CHRM5: variants seen among roughly 807,000 people sequenced by gnomAD.
The protein encoded by CHRM5 is cholinergic receptor muscarinic 5.
CHRM5 carries 18 observed loss-of-function variants against 39.0 expected under a neutral mutation model. That is an observed-to-expected ratio of 0.46 (90% confidence interval 0.32 to 0.68). The LOEUF (loss-of-function observed/expected upper bound fraction) is 0.68. CHRM5 is among the 30% of genes least tolerant of loss of function. The pLI, the probability that CHRM5 is intolerant of heterozygous loss-of-function variation, is 0.04. For synonymous variants in CHRM5, 241 were observed against 246.3 expected (o/e 0.98, Z 0.20); for missense variants, 515 against 651.1 (o/e 0.79, Z 2.28).
chr15:34,012,115 C>A (rs555828015), intron 1 of CHRM5, among the ~76,000 whole-genome samples: 1 of 152,202 alleles, frequency 6.6e-6, no homozygotes, highest in African/African-American at 2.4e-5. Flanking sequence ...AGCCATTTTG[C>A]AAGTCCCAAC....
intron 2 of CHRM5, among the ~76,000 whole-genome samples, chr15:34,058,297 A>G (rs1047425988): frequency 6.6e-6 from 1 of 152,186 alleles, no homozygotes; most frequent in African/African-American, 2.4e-5. Context: ...AAGTGGACAC[A>G]TAAAATTAAC....
intron 1 of CHRM5, among the ~76,000 whole-genome samples, chr15:34,019,762 G>A (rs561287452): frequency 5.1e-4 from 78 of 152,226 alleles, no homozygotes; most frequent in South Asian, 4.1e-3. Context: ...ATACCATACC[G>A]CCTGGGTGTA....
In CHRM5 at chr15:34,063,383, G is replaced by T. The variant is rs150785744; in HGVS notation, c.666G>T (p.Lys222Asn). The T allele has an allele frequency of 6.2e-6, 10 of 1,614,084 alleles. No individual in the cohort carries two copies. In the East Asian group the frequency reaches 2.2e-4, roughly 36 times the overall value. The change falls in exon 3 of 3, where the codon AAG (lysine) becomes AAT (asparagine). Residue 222 changes from lysine (K) to asparagine (N), a missense_variant. Physicochemically the swap from Lys to Asn is moderately conservative, Grantham distance 94 (BLOSUM62 0). Transcript: ENST00000383263. This position sits in a 1 kb window ranked among gnomAD's most constrained non-coding sequence, Gnocchi z 4.1. ...LYCRIYRETE[K>N]RTKDLADLQG... ...GTCGAATCTACCGGGAAACAGAGAA[G>T]CGAACCAAGGACCTGGCTGACCTCC...
At chr15:34,005,096 C>T (rs1025052272) in intron 1 of CHRM5, among the ~76,000 whole-genome samples, 1 of 152,296 alleles carries the variant, frequency 6.6e-6, no homozygotes, top group Admixed American at 6.5e-5. Context: ...CAGAGTACCA[C>T]TAACCCCTCA....
chr15:34,018,680 G>C (rs1393831546), intron 1 of CHRM5, among the ~76,000 whole-genome samples: 1 of 152,202 alleles, frequency 6.6e-6, no homozygotes, highest in Non-Finnish European at 1.5e-5. Context: ...GGACTCCAGT[G>C]GGTTGCTGCT....
At chr15:33,993,721 G>A (rs1256844002) in intron 1 of CHRM5, among the ~76,000 whole-genome samples, 1 of 152,048 alleles carries the variant, frequency 6.6e-6, no homozygotes, top group Non-Finnish European at 1.5e-5. Flanking sequence ...CTGCTACCGG[G>A]CCCTCCTCAA....
intron 1 of CHRM5, among the ~76,000 whole-genome samples, chr15:34,000,724 A>G (rs1181309863): frequency 6.6e-6 from 1 of 152,216 alleles, no homozygotes; most frequent in East Asian, 1.9e-4. Flanking sequence ...GAGTATGAAG[A>G]AAGCATGGAA....
chr15:34,016,019 G>A (rs969118472), intron 1 of CHRM5, among the ~76,000 whole-genome samples: 8 of 152,226 alleles, frequency 5.3e-5, no homozygotes, highest in African/African-American at 1.7e-4. Flanking sequence ...GCTCATGCCT[G>A]TAATCCCAGC....
chr15:33,977,145 G>A (rs988312127), intron 1 of CHRM5, among the ~76,000 whole-genome samples: 15 of 152,088 alleles, frequency 9.9e-5, no homozygotes, highest in African/African-American at 2.9e-4. Flanking sequence ...AACAAAATCC[G>A]CACTACCTTT....
At chr15:34,017,478 TTTTTTG>T (rs1429897385) in intron 1 of CHRM5, among the ~76,000 whole-genome samples, 2 of 47,244 alleles carry the variant, frequency 4.2e-5, no homozygotes, top group Admixed American at 3.9e-4. Context: ...GTATGATTTT[TTTTTTG>T]TTTTTTTTTT....
intron 1 of CHRM5, among the ~76,000 whole-genome samples, chr15:33,984,913 T>C (rs958306708): frequency 2.6e-5 from 4 of 151,822 alleles, no homozygotes; most frequent in African/African-American, 9.7e-5. Context: ...TGTCATACAC[T>C]AACAATGAAA....
At chr15:34,043,117 G>A (rs1899545702) in intron 1 of CHRM5, among the ~76,000 whole-genome samples, 1 of 151,896 alleles carries the variant, frequency 6.6e-6, no homozygotes, top group South Asian at 2.1e-4. Flanking sequence ...CATGGTGACG[G>A]GCGCCTGTAG....
chr15:33,992,322 G>A (rs953369541), intron 1 of CHRM5, among the ~76,000 whole-genome samples: 5 of 151,976 alleles, frequency 3.3e-5, no homozygotes, highest in Admixed American at 6.5e-5. Context: ...CCCGGGGGGC[G>A]GAGCTTGCAG....
At position 33,989,823 on chromosome 15, in the gene CHRM5, T is replaced by G. The variant is rs376841912; in HGVS notation, c.-408+20673T>G. On this transcript the variant is annotated intron_variant, in intron 1 of 2. Coordinates refer to ENST00000383263, the MANE Select transcript of CHRM5 (RefSeq NM_012125.4). ...ACCCACCTAAAATTATCTTAATTTT[T>G]TTAAGGAGAGGTATGAGTCTAAAAG... 1.3e-4 allele frequency among the ~76,000 whole-genome samples: 19 copies of G among 151,652 alleles called. No individual in the cohort carries two copies. In the East Asian group the frequency reaches 2.9e-3, roughly 23 times the overall value.
intron 1 of CHRM5, among the ~76,000 whole-genome samples, chr15:34,029,821 A>G (rs1250842297): frequency 6.6e-6 from 1 of 152,216 alleles, no homozygotes; most frequent in African/African-American, 2.4e-5. Flanking sequence ...CTAATCTTCA[A>G]TTAGCCCAAA....
intron 1 of CHRM5, among the ~76,000 whole-genome samples, chr15:33,994,482 G>A (rs541295673): frequency 5.3e-5 from 8 of 152,092 alleles, no homozygotes; most frequent in African/African-American, 9.7e-5. Context: ...AATGTAACAC[G>A]CTTGAATCAT....
At chr15:34,000,664 G>A (rs1897103600) in intron 1 of CHRM5, among the ~76,000 whole-genome samples, 1 of 152,164 alleles carries the variant, frequency 6.6e-6, no homozygotes, top group African/African-American at 2.4e-5. Context: ...TTTATTATCA[G>A]AGAATGAAGT....
intron 2 of CHRM5, among the ~76,000 whole-genome samples, chr15:34,055,430 G>A (rs1053826283): frequency 3.3e-5 from 5 of 152,124 alleles, no homozygotes; most frequent in East Asian, 1.9e-4. Flanking sequence ...TCCTGGATCC[G>A]GGAGGAAGAG....
intron 2 of CHRM5, among the ~76,000 whole-genome samples, chr15:34,056,037 G>A (rs991066840): frequency 2.6e-5 from 4 of 152,088 alleles, no homozygotes; most frequent in South Asian, 2.1e-4. Flanking sequence ...ATTGTTATAC[G>A]TGTTTAACAG....
Sources: gnomAD v4.1 joint callset for allele counts (sites outside exome capture counted in the v4.1 genomes callset) on GRCh38, gnomAD v4.1.1 for gene constraint, Gnocchi (gnomAD v3.1) non-coding constraint, MANE v1.5 for transcripts, NCBI Gene and HGNC (gene_info 2026-07-23, HGNC 2026-07-21) for gene names.